The following ASAP1 variants were observed in gnomAD, a reference collection of about 807,000 sequenced individuals.
The protein encoded by ASAP1 is ArfGAP with SH3 domain, ankyrin repeat and PH domain 1, also known as arf-GAP with SH3 domain, ANK repeat and PH domain-containing protein 1.
ASAP1 carries 43 observed loss-of-function variants against 145.2 expected under a neutral mutation model. The ratio of observed to expected loss-of-function variants is 0.30; its 90% CI spans 0.23 to 0.38. The LOEUF (loss-of-function observed/expected upper bound fraction) is 0.38, where lower values mean the gene tolerates loss of function less well. ASAP1 is among the 10% of genes least tolerant of loss of function. The pLI, the probability that ASAP1 is intolerant of heterozygous loss-of-function variation, is 1.00. For synonymous variants in ASAP1, 546 were observed against 515.5 expected (o/e 1.06, Z -0.80); for missense variants, 1,018 against 1,355.3 (o/e 0.75, Z 3.91).
chr8:130,309,853 T>C (rs1476421978), intron 3 of ASAP1, among the ~76,000 whole-genome samples: 2 of 152,142 alleles, frequency 1.3e-5, no homozygotes, highest in African/African-American at 4.8e-5. Flanking sequence ...AATCAAAGAC[T>C]GACCAAGCAA....
At chr8:130,120,245 A>G (rs1247849806) in intron 18 of ASAP1, among the ~76,000 whole-genome samples, 1 of 152,242 alleles carries the variant, frequency 6.6e-6, no homozygotes. Context: ...GAACGGCCCA[A>G]GCCTGGCTTC....
intron 13 of ASAP1, among the ~76,000 whole-genome samples, chr8:130,140,464 T>A (rs2097607917): frequency 6.6e-6 from 1 of 152,070 alleles, no homozygotes; most frequent in Non-Finnish European, 1.5e-5. Context: ...TATTTTATCA[T>A]CCAGGTATTA....
intron 5 of ASAP1, among the ~76,000 whole-genome samples, chr8:130,197,671 C>T (rs1487698524): frequency 2.0e-5 from 3 of 152,236 alleles, no homozygotes; most frequent in Non-Finnish European, 4.4e-5. Context: ...ATAGCAGTAA[C>T]TTAAGCACAC....
At chr8:130,227,159 C>T (rs950139799) in intron 4 of ASAP1, among the ~76,000 whole-genome samples, 1 of 152,084 alleles carries the variant, frequency 6.6e-6, no homozygotes, top group Non-Finnish European at 1.5e-5. Context: ...TATGTAAAAT[C>T]GAGATAATAA....
chr8:130,214,678 A>G lies in ASAP1; in HGVS notation c.283T>C (p.Tyr95His). 1 of 1,600,680 alleles carries G rather than the reference A, an allele frequency of 6.2e-7. No individual in the cohort carries two copies. Among genetic ancestry groups the G allele is most frequent in the Non-Finnish European group, 8.5e-7 (1 of 1,175,158 alleles). ...CCAAACTTATCAAGAACTTGTGCAT[A>G]GTTTTCTTCATTTTGTACATGATCT... ...GQDHVQNEEN[Y>H]AQVLDKFGSN... The change falls in exon 5 of 30, where the codon TAT becomes CAT. Residue 95 changes from tyrosine (Y) to histidine (H), a missense_variant. Around this residue, in one of 9 missense-constraint regions of ASAP1, gnomAD observed 106 missense variants for 134.5 expected, o/e 0.79. Transcript: ENST00000518721.
At chr8:130,164,286 C>T (rs2097675563) in intron 11 of ASAP1, among the ~76,000 whole-genome samples, 1 of 152,246 alleles carries the variant, frequency 6.6e-6, no homozygotes, top group African/African-American at 2.4e-5. Flanking sequence ...GACTTATCAC[C>T]ATTTAAAATA....
intron 1 of ASAP1, among the ~76,000 whole-genome samples, chr8:130,425,129 C>T (rs1829868323): frequency 6.6e-6 from 1 of 152,056 alleles, no homozygotes; most frequent in African/African-American, 2.4e-5. Context: ...ATCAGGAGTT[C>T]AAGATCAGCC....
rs545886246 is a variant in ASAP1 at position 130,253,128 on chromosome 8, G to A, written c.187-16134C>T. ...TTTGTCTGAGATGGAGAATCACATA[G>A]CTACCAACTAGATGCTGGAATTTAA... On this transcript the variant is annotated intron_variant, in intron 3 of 29. Transcript: ENST00000518721. Among the ~76,000 whole-genome samples the A allele has an allele frequency of 2.6e-5, 4 of 152,252 alleles. No homozygotes were observed. The East Asian group carries it at 7.7e-4, about 29-fold the overall frequency.
At chr8:130,230,672 C>G (rs895286548) in intron 4 of ASAP1, among the ~76,000 whole-genome samples, 2 of 152,030 alleles carry the variant, frequency 1.3e-5, no homozygotes, top group African/African-American at 4.8e-5. Flanking sequence ...CTATCTAAAG[C>G]CTTTTGAGAG....
chr8:130,228,042 G>T lies in ASAP1; in HGVS notation c.259+8880C>A, dbSNP rs982627363. On this transcript the variant is annotated intron_variant, in intron 4 of 29. Transcript: ENST00000518721. Reference sequence around the variant, plus strand: ...TTAGACACTATCAACTCCCCTTTGGGTATAAACAGTGCATTTTAGAGGCTA... The same window carrying T: ...TTAGACACTATCAACTCCCCTTTGGTTATAAACAGTGCATTTTAGAGGCTA... Among the ~76,000 whole-genome samples, 7 of 152,236 alleles carry T rather than the reference G, an allele frequency of 4.6e-5. No homozygotes were observed. In the South Asian group the frequency reaches 1.5e-3, roughly 32 times the overall value.
intron 7 of ASAP1, among the ~76,000 whole-genome samples, chr8:130,186,233 G>C (rs981905408): frequency 6.6e-6 from 1 of 152,094 alleles, no homozygotes; most frequent in Non-Finnish European, 1.5e-5. Context: ...TTTGTTCTCT[G>C]CTGCATTTAG....
intron 5 of ASAP1, among the ~76,000 whole-genome samples, chr8:130,212,330 T>G (rs78115855): frequency 0.024 from 3,587 of 152,300 alleles, 65 homozygotes; most frequent in East Asian, 0.064. Context: ...CCTTTAGATT[T>G]TTCTTAGACT....
intron 8 of ASAP1, among the ~76,000 whole-genome samples, chr8:130,180,271 T>G (rs1336310276): frequency 6.6e-6 from 1 of 152,230 alleles, no homozygotes; most frequent in South Asian, 2.1e-4. Context: ...GAAGTGTTCA[T>G]GTTCAATTGG....
At chr8:130,275,673 G>C (rs913790066) in intron 3 of ASAP1, among the ~76,000 whole-genome samples, 3 of 151,326 alleles carry the variant, frequency 2.0e-5, no homozygotes, top group Non-Finnish European at 2.9e-5. Context: ...CACAATTAGA[G>C]AAACGTAAGC....
At chr8:130,162,623 C>T (rs1001080501) in intron 11 of ASAP1, among the ~76,000 whole-genome samples, 11 of 151,982 alleles carry the variant, frequency 7.2e-5, no homozygotes, top group African/African-American at 2.7e-4. Flanking sequence ...TCGAGACCAT[C>T]CTGGCTAACA....
chr8:130,239,242 A>G (rs1444084012), intron 3 of ASAP1, among the ~76,000 whole-genome samples: 2 of 152,146 alleles, frequency 1.3e-5, no homozygotes, highest in Non-Finnish European at 2.9e-5. Context: ...AAAAGATTTA[A>G]GATTTGCATT....
chr8:130,124,005 ATACT>A lies in ASAP1; in HGVS notation c.1607+4_1607+7del. ...TTTAAAAAAGTTCAATATATCAGAA[ATACT>A]TACATATCACTTGAAGGGGTGGGTT... On this transcript the variant is annotated splice_donor_5th_base_variant and intron_variant, in intron 18 of 29. Coordinates refer to ENST00000518721, the MANE Select transcript of ASAP1 (RefSeq NM_018482.4). 1 of 1,591,518 alleles carries A rather than the reference ATACT, an allele frequency of 6.3e-7. No individual in the cohort carries two copies.
chr8:130,226,669 G>A (rs2136555638), intron 4 of ASAP1, among the ~76,000 whole-genome samples: 1 of 152,270 alleles, frequency 6.6e-6, no homozygotes. Flanking sequence ...CATTTCTGCA[G>A]CACTGACAAA....
chr8:130,055,825 G>A (rs1373537757), intron 29 of ASAP1, among the ~76,000 whole-genome samples: 1 of 152,248 alleles, frequency 6.6e-6, no homozygotes, highest in Non-Finnish European at 1.5e-5. Context: ...GAGTGGAACA[G>A]AGTCAACCAG....
Sources: allele counts gnomAD v4.1 joint callset (sites outside exome capture counted in the v4.1 genomes callset), GRCh38; gene constraint gnomAD v4.1.1; regional missense constraint gnomAD v4.1.1; transcripts MANE v1.5; gene names NCBI Gene and HGNC (gene_info 2026-07-23, HGNC 2026-07-21).